ATG7: variants seen among roughly 807,000 people sequenced by gnomAD.
The protein encoded by ATG7 is autophagy related 7, also known as ubiquitin-like modifier-activating enzyme ATG7.
Under a neutral mutation model 82.4 loss-of-function variants are expected in ATG7, and 70 were observed. The observed-to-expected ratio is 0.85, with a 90% CI of 0.70 to 1.04. The LOEUF is 1.04. ATG7 is among the 50% of genes least tolerant of loss of function. ATG7 has a pLI of 0.00. For missense variants in ATG7, 792 were observed against 864.3 expected, an observed-to-expected ratio of 0.92 and a Z score of 1.05; for synonymous variants, 287 against 313.0, an observed-to-expected ratio of 0.92 and a Z score of 0.88.
At chr3:11,349,001 A>C (rs558547053) in intron 14 of ATG7, among the ~76,000 whole-genome samples, 1 of 151,050 alleles carries the variant, frequency 6.6e-6, no homozygotes, top group South Asian at 2.1e-4. Flanking sequence ...CAGAGTGCTG[A>C]TTGGTGTGTT....
intron 19 of ATG7, among the ~76,000 whole-genome samples, chr3:11,419,481 G>A (rs1315026961): frequency 6.6e-6 from 1 of 152,114 alleles, no homozygotes; most frequent in African/African-American, 2.4e-5. Flanking sequence ...TTGAACCCAG[G>A]AGGCAGAGGC....
intron 20 of ATG7, among the ~76,000 whole-genome samples, chr3:11,489,546 C>T (rs1163712780): frequency 7.0e-6 from 1 of 143,022 alleles, no homozygotes; most frequent in African/African-American, 2.6e-5. Flanking sequence ...TCTTGCTTTT[C>T]TAGTTCTTTT....
At chr3:11,488,547 C>T (rs891107128) in intron 20 of ATG7, 34 of 1,014,590 alleles carry the variant, frequency 3.4e-5, no homozygotes, top group South Asian at 8.4e-5. Flanking sequence ...CGCAGCGCAG[C>T]GGCGCCAACC....
the ATG7 span, among the ~76,000 whole-genome samples, chr3:11,569,723 A>G: frequency 1.3e-5 from 2 of 152,098 alleles, no homozygotes; most frequent in African/African-American, 4.8e-5. Flanking sequence ...AACACATCAT[A>G]ATGAGACTGC....
intron 19 of ATG7, among the ~76,000 whole-genome samples, chr3:11,400,625 C>T (rs2079746422): frequency 1.3e-5 from 2 of 152,080 alleles, no homozygotes; most frequent in South Asian, 4.1e-4. Flanking sequence ...CCCCAAAATA[C>T]TGCTTGAGTC....
chr3:11,539,222 C>T (rs1462283031), intron 20 of ATG7, among the ~76,000 whole-genome samples: 1 of 152,148 alleles, frequency 6.6e-6, no homozygotes, highest in African/African-American at 2.4e-5. Flanking sequence ...ATTTCATGGT[C>T]ACAACAGCCC....
chr3:11,534,401 A>G (rs1382756981), intron 20 of ATG7, among the ~76,000 whole-genome samples: 1 of 152,198 alleles, frequency 6.6e-6, no homozygotes, highest in African/African-American at 2.4e-5. Flanking sequence ...TTGGTCTTGG[A>G]ACAGAGGCCC....
chr3:11,432,678 A>G (rs2083007792), intron 20 of ATG7, among the ~76,000 whole-genome samples: 1 of 152,206 alleles, frequency 6.6e-6, no homozygotes, highest in Admixed American at 6.5e-5. Flanking sequence ...TTGGACAGAT[A>G]GCCGTATTCT....
intron 20 of ATG7, chr3:11,510,154 C>G (rs1045781183): frequency 2.2e-6 from 1 of 452,346 alleles, no homozygotes; most frequent in Non-Finnish European, 4.5e-6. Context: ...CACAGAGTTG[C>G]CTGAAATCAT....
At chr3:11,513,054 A>G (rs1227157601) in intron 20 of ATG7, among the ~76,000 whole-genome samples, 1 of 152,222 alleles carries the variant, frequency 6.6e-6, no homozygotes, top group Non-Finnish European at 1.5e-5. Context: ...AGCTAGACAC[A>G]GGGTGCTGAT....
chr3:11,361,065 G>A (rs1282963397), intron 16 of ATG7, among the ~76,000 whole-genome samples: 5 of 152,086 alleles, frequency 3.3e-5, no homozygotes, highest in African/African-American at 9.7e-5. Context: ...ATAGCACTCC[G>A]TATTGTCTCC....
intron 20 of ATG7, among the ~76,000 whole-genome samples, chr3:11,498,478 G>T (rs1242840003): frequency 1.3e-5 from 2 of 152,144 alleles, no homozygotes; most frequent in African/African-American, 2.4e-5. Context: ...TGGGCCACCT[G>T]CCTCTACCTT....
intron 6 of ATG7, 37 bp from the exon 7 acceptor site, chr3:11,308,947 C>CT: frequency 6.3e-7 from 1 of 1,580,842 alleles, no homozygotes; most frequent in South Asian, 1.1e-5. Context: ...TCAGAGATGC[C>CT]TGGTAACCTG....
chr3:11,483,862 G>A (rs1574943096), intron 20 of ATG7, among the ~76,000 whole-genome samples: 1 of 152,090 alleles, frequency 6.6e-6, no homozygotes, highest in African/African-American at 2.4e-5. Flanking sequence ...CTTGGGCTTC[G>A]TAGGCTACAT....
At chr3:11,512,576 C>T (rs1443077110) in intron 20 of ATG7, among the ~76,000 whole-genome samples, 1 of 152,206 alleles carries the variant, frequency 6.6e-6, no homozygotes, top group East Asian at 1.9e-4. Flanking sequence ...TGAGTGTTAA[C>T]AGTTCTTAAA....
intron 20 of ATG7, among the ~76,000 whole-genome samples, chr3:11,517,231 C>CT (rs775795596): frequency 2.0e-5 from 3 of 151,750 alleles, no homozygotes; most frequent in Admixed American, 6.6e-5. Context: ...ATCCCAGCTA[C>CT]TGGGGAGGCT....
chr3:11,361,317 C>G (rs1469488429), intron 16 of ATG7, among the ~76,000 whole-genome samples: 1 of 150,538 alleles, frequency 6.6e-6, no homozygotes, highest in Non-Finnish European at 1.5e-5. Flanking sequence ...CAGAGTTTCG[C>G]CCTGTCACCC....
At chr3:11,542,633 C>T (rs1385831135) in intron 20 of ATG7, among the ~76,000 whole-genome samples, 5 of 152,158 alleles carry the variant, frequency 3.3e-5, no homozygotes, top group Non-Finnish European at 7.4e-5. Context: ...ATCTGGTCTT[C>T]CATATTTCCT....
rs200369595 is a variant in ATG7 at position 11,451,800 on chromosome 3, C to T, written c.2079+24874C>T. Reference sequence around the variant, plus strand: ...TTTATAGTCTCAAAAAAAAAAAAAACAAATTAAAAAAACCCCAGGCTGCCC... The same window carrying T: ...TTTATAGTCTCAAAAAAAAAAAAAATAAATTAAAAAAACCCCAGGCTGCCC... On this transcript the variant is annotated intron_variant, in intron 20 of 20. Coordinates refer to ENST00000693202, the MANE Select transcript of ATG7 (RefSeq NM_001349232.2). 6.0e-3 allele frequency among the ~76,000 whole-genome samples: 78 copies of T among 12,938 alleles called. 1 individual carries two copies. Among genetic ancestry groups the T allele is most frequent in the African/African-American group, 0.027 (75 of 2,810 alleles). 8.5% of individuals were successfully genotyped at this position (12,938 alleles called of 152,430 possible).
Sources: allele counts gnomAD v4.1 joint callset (sites outside exome capture counted in the v4.1 genomes callset), GRCh38; gene constraint gnomAD v4.1.1; transcripts MANE v1.5; gene names NCBI Gene and HGNC (gene_info 2026-07-23, HGNC 2026-07-21).